The following KCNG1 variants were observed in gnomAD, a reference collection of about 807,000 sequenced individuals.
The protein encoded by KCNG1 is voltage-gated potassium channel regulatory subunit KCNG1.
KCNG1 carries 17 observed loss-of-function variants against 32.4 expected under a neutral mutation model. The ratio of observed to expected loss-of-function variants is 0.52; its 90% confidence interval spans 0.36 to 0.79. The LOEUF is 0.79. Ranked by LOEUF, KCNG1 falls within the 30% of genes least tolerant of loss-of-function variation. The pLI, the probability that KCNG1 is intolerant of heterozygous loss-of-function variation, is 0.00. For synonymous variants in KCNG1, 358 were observed against 339.9 expected (o/e 1.05, Z -0.59); for missense variants, 441 against 735.2 (o/e 0.60, Z 4.63).
chr20:51,009,212 T>C (rs528804275), intron 2 of KCNG1, among the ~76,000 whole-genome samples: 64 of 152,318 alleles, frequency 4.2e-4, no homozygotes, highest in African/African-American at 1.5e-3. Context: ...TGTAATGTGC[T>C]TCGCTCAGGG....
chr20:51,020,493 G>A (rs1023451933), intron 1 of KCNG1, among the ~76,000 whole-genome samples: 31 of 152,282 alleles, frequency 2.0e-4, no homozygotes, highest in African/African-American at 6.3e-4. Context: ...TTCTGATTTC[G>A]TTAATCAAAT....
At position 51,004,800 on chromosome 20, in the gene KCNG1, A is replaced by T; in HGVS notation, c.781T>A (p.Cys261Ser). ...AAGACGTTGTGGCACATCTGGGAACAGTGGCCCTGGGAGAGAGGGGAAGGG... is the reference window on the plus strand; with the variant it reads ...AAGACGTTGTGGCACATCTGGGAACTGTGGCCCTGGGAGAGAGGGGAAGGG... ...SLREEEEQGHCSQMCHNVFIV... is the reference protein window; with the variant it reads ...SLREEEEQGHSSQMCHNVFIV... The change falls in exon 3 of 3, where the codon TGT (cysteine) becomes AGT (serine). Residue 261 changes from cysteine (C) to serine (S), a missense_variant. Cys to Ser is a moderately radical substitution (Grantham distance 112). Around this residue, in one of 6 missense-constraint regions of KCNG1, gnomAD observed 169 missense variants for 297.7 expected, o/e 0.57. Transcript: ENST00000371571. The surrounding 1 kb of genome is among the most constrained non-coding windows in gnomAD (Gnocchi z 4.3). 1 of 1,562,780 alleles carries T rather than the reference A, an allele frequency of 6.4e-7. No homozygotes were observed. The highest frequency in any genetic ancestry group is 8.7e-7 in the Non-Finnish European group (1 of 1,150,016).
Position 51,003,980 on chromosome 20 carries a change from A to G in KCNG1, c.*59T>C. On this transcript the variant is annotated 3_prime_UTR_variant, in exon 3 of 3. Coordinates refer to ENST00000371571, the MANE Select transcript of KCNG1 (RefSeq NM_002237.4). ...GGCCTGTCCCTCTCCAGGCGTCTGC[A>G]GTGGATGGCAATGGCTTCGGGCCAC... 3 of 1,567,844 alleles carry G rather than the reference A, an allele frequency of 1.9e-6. No homozygotes were observed. The highest frequency in any genetic ancestry group is 2.6e-6 in the Non-Finnish European group (3 of 1,153,838).
chr20:51,014,467 G>T (rs1300529300), intron 1 of KCNG1, among the ~76,000 whole-genome samples: 1 of 152,212 alleles, frequency 6.6e-6, no homozygotes, highest in Non-Finnish European at 1.5e-5. Context: ...TGCCTCTGAG[G>T]GTCTGTGGAT....
chr20:51,009,231 G>A (rs1281589292), intron 2 of KCNG1, among the ~76,000 whole-genome samples: 5 of 152,144 alleles, frequency 3.3e-5, no homozygotes, highest in Non-Finnish European at 7.4e-5. Context: ...GGCCAGGCAC[G>A]TCAAAAATCA....
chr20:51,009,775 C>A lies in KCNG1; in HGVS notation c.564G>T (p.Ala188=). 1 of 1,611,148 alleles carries A rather than the reference C, an allele frequency of 6.2e-7. No individual in the cohort carries two copies. The highest frequency in any genetic ancestry group is 8.5e-7 in the Non-Finnish European group (1 of 1,179,814). Residue 188 remains alanine, a synonymous_variant, in exon 2 of 3, where the codon GCG becomes GCT. Transcript: ENST00000371571. The part of the protein sequence containing the change: ...EMVEREEEDD[A]LDSEGRDSEG... ...CGCTGTCGCGGCCCTCGCTGTCCAG[C>A]GCGTCGTCCTCTTCCTCCCGCTCCA...
chr20:51,021,067 T>A (rs1988462736), intron 1 of KCNG1, among the ~76,000 whole-genome samples: 1 of 152,174 alleles, frequency 6.6e-6, no homozygotes, highest in Admixed American at 6.5e-5. Flanking sequence ...TTGGTTGATT[T>A]TTTTACTCCC....
At position 51,009,574 on chromosome 20, in the gene KCNG1, C is replaced by T; in HGVS notation, c.765G>A (p.Glu255=). The change falls in exon 2 of 3, where the codon GAG becomes GAA. Residue 255 remains glutamate, a synonymous_variant. Transcript: ENST00000371571. ...SVSTLPSLRE[E]EEQGHCSQMC... ...GGGCGTGGGCTCTTACCTGCTCCTC[C>T]TCCTCCCTCAGGCTGGGCAAGGTGC... The T allele has an allele frequency of 6.2e-7, 1 of 1,603,392 alleles. No homozygotes were observed.
chr20:51,015,797 T>C lies in KCNG1; in HGVS notation c.-26-5433A>G, dbSNP rs113925520. 9.4e-3 allele frequency among the ~76,000 whole-genome samples: 1,429 copies of C among 152,306 alleles called. 32 individuals are homozygous for C. Among genetic ancestry groups the C allele is most frequent in the African/African-American group, 0.033 (1,371 of 41,560 alleles). ...ATCTGAGATGGGAAATTATCTTGGA[T>C]GATCTGGGTGGGCCCAGTGTAATCA... On this transcript the variant is annotated intron_variant, in intron 1 of 2. Transcript: ENST00000371571. This position sits in a 1 kb window ranked among gnomAD's most constrained non-coding sequence, Gnocchi z 4.4.
Position 51,009,763 on chromosome 20 carries a change from C to T in KCNG1, c.576G>A (p.Glu192=). 6.2e-7 allele frequency: 1 copy of T among 1,610,354 alleles called. No homozygotes were observed. The highest frequency in any genetic ancestry group is 1.7e-5 in the Admixed American group (1 of 60,002). The change falls in exon 2 of 3, where the codon GAG becomes GAA. Residue 192 remains glutamate (E), a synonymous_variant. Transcript: ENST00000371571. ...CGGCCGGGCCCTCGCTGTCGCGGCC[C>T]TCGCTGTCCAGCGCGTCGTCCTCTT... ...REEEDDALDS[E]GRDSEGPAEG...
At position 51,003,717 on chromosome 20, in the gene KCNG1, T is replaced by C; in HGVS notation, c.*322A>G. 1 of 224,980 alleles carries C rather than the reference T, an allele frequency of 4.4e-6. No homozygotes were observed. The highest frequency in any genetic ancestry group is 2.3e-5 in the African/African-American group (1 of 43,858). The allele number at this position is 224,980 out of a possible 1,614,324, so 13.9% of individuals were successfully genotyped here. On this transcript the variant is annotated 3_prime_UTR_variant, in exon 3 of 3. Coordinates refer to ENST00000371571, the MANE Select transcript of KCNG1 (RefSeq NM_002237.4). ...CCAGGCAGACCCATAAAGCAAGTTT[T>C]TGCTGGGCATGTTATTTGCATGGTG...
chr20:51,010,929 A>G (rs1988068970), intron 1 of KCNG1, among the ~76,000 whole-genome samples: 1 of 149,290 alleles, frequency 6.7e-6, no homozygotes, highest in Non-Finnish European at 1.5e-5. Flanking sequence ...AAACAAAACA[A>G]AAAAAAAAGA....
In KCNG1 at chr20:51,004,102, G is replaced by C. The variant is rs778923658; in HGVS notation, c.1479C>G (p.Ser493Arg). The C allele has an allele frequency of 3.1e-6, 5 of 1,614,106 alleles. No individual in the cohort carries two copies. Among genetic ancestry groups the C allele is most frequent in the Non-Finnish European group, 3.4e-6 (4 of 1,180,040 alleles). Reference protein sequence around the residue: ...QFLIKTKSQLSVSQDSDILFG... With the variant: ...QFLIKTKSQLRVSQDSDILFG... ...ACAAGATGTCACTGTCCTGGGACAC[G>C]CTCAGCTGCGACTTGGTTTTGATGA... Residue 493 changes from serine (S) to arginine (R), a missense_variant, in exon 3 of 3, where the codon AGC becomes AGG. Physicochemically the swap from Ser to Arg is moderately radical, Grantham distance 110. Around this residue, in one of 6 missense-constraint regions of KCNG1, gnomAD observed 53 missense variants for 79.1 expected, o/e 0.67. Transcript: ENST00000371571. The surrounding 1 kb of genome is among the most constrained non-coding windows in gnomAD (Gnocchi z 4.3).
At position 51,009,656 on chromosome 20, in the gene KCNG1, A is replaced by G. The variant is rs754894563; in HGVS notation, c.683T>C (p.Val228Ala). 6.2e-7 allele frequency: 1 copy of G among 1,605,236 alleles called. No individual in the cohort carries two copies. The highest frequency in any genetic ancestry group is 1.7e-5 in the Admixed American group (1 of 59,714). ...GAAGAGCACCGACAGGCAGGCGAAC[A>G]CCTTGCCAGGCAGCCCCGAGTGCGG... ...ERPHSGLPGK[V>A]FACLSVLFVT... The change falls in exon 2 of 3, where the codon GTG (valine) becomes GCG (alanine). Residue 228 changes from valine (V) to alanine (A), a missense_variant. Coordinates refer to ENST00000371571, the MANE Select transcript of KCNG1 (RefSeq NM_002237.4).
At position 51,004,870 on chromosome 20, in the gene KCNG1, C is replaced by CT; in HGVS notation, c.775-65dup. 7.0e-7 allele frequency: 1 copy of CT among 1,438,692 alleles called. No individual in the cohort carries two copies. The highest frequency in any genetic ancestry group is 9.2e-7 in the Non-Finnish European group (1 of 1,084,124). The allele number at this position is 1,438,692 out of a possible 1,614,324, so 89.1% of individuals were successfully genotyped here. ...GCCCTCCAGGAAAGGAGGGCAGAAGCTCTGCCCTGTGCCCTGCTGGGCTTC... is the reference window on the plus strand; with the variant it reads ...GCCCTCCAGGAAAGGAGGGCAGAAGCTTCTGCCCTGTGCCCTGCTGGGCTTC... On this transcript the variant is annotated intron_variant, in intron 2 of 2. Coordinates refer to ENST00000371571, the MANE Select transcript of KCNG1 (RefSeq NM_002237.4). The surrounding 1 kb of genome is among the most constrained non-coding windows in gnomAD (Gnocchi z 4.3).
Position 51,003,675 on chromosome 20 carries a change from A to ATTT in KCNG1, c.*361_*363dup, listed in dbSNP as rs11474110. The ATTT allele has an allele frequency of 4.9e-5, 7 of 141,752 alleles. No homozygotes were observed. The highest frequency in any genetic ancestry group is 1.6e-4 in the African/African-American group (6 of 37,130). The allele number at this position is 141,752 out of a possible 1,614,324, so 8.8% of individuals were successfully genotyped here. A position where few individuals can be genotyped will look rare whatever the true frequency, so the allele number is the denominator to read the frequency against. On this transcript the variant is annotated 3_prime_UTR_variant, in exon 3 of 3. Coordinates refer to ENST00000371571, the MANE Select transcript of KCNG1 (RefSeq NM_002237.4). ...CAGACATGCTGTTTCTGCTGTTTGT[A>ATTT]TTTTTTTTTTTTTTCTCCAGGCAGA...
Position 51,020,953 on chromosome 20 carries a change from G to C in KCNG1, c.-27+1917C>G, listed in dbSNP as rs549354340. Among the ~76,000 whole-genome samples the C allele has an allele frequency of 6.6e-5, 10 of 152,316 alleles. No homozygotes were observed. The East Asian group carries it at 1.9e-3, about 29-fold the overall frequency. ...AATCAGGCTCCAGGACAAGCTTCGG[G>C]AAAGTCTTTGGGGATGGGGAGAAGC... On this transcript the variant is annotated intron_variant, in intron 1 of 2. Transcript: ENST00000371571.
intron 1 of KCNG1, among the ~76,000 whole-genome samples, chr20:51,017,637 T>A (rs1988327707): frequency 6.6e-6 from 1 of 152,028 alleles, no homozygotes; most frequent in South Asian, 2.1e-4. Flanking sequence ...AGATACAGAT[T>A]TCTGGGACCC....
chr20:51,022,082 G>A (rs528591291), intron 1 of KCNG1, among the ~76,000 whole-genome samples: 1 of 152,282 alleles, frequency 6.6e-6, no homozygotes, highest in South Asian at 2.1e-4. Flanking sequence ...GCTGCATGAA[G>A]GGTGCCCCCA....
Sources: allele counts gnomAD v4.1 joint callset (sites outside exome capture counted in the v4.1 genomes callset), GRCh38; gene constraint gnomAD v4.1.1; regional missense constraint gnomAD v4.1.1; non-coding constraint Gnocchi (gnomAD v3.1); transcripts MANE v1.5; gene names NCBI Gene and HGNC (gene_info 2026-07-23, HGNC 2026-07-21).